Variants in UGGT2 observed in about 807,000 individuals in gnomAD.
The protein encoded by UGGT2 is UDP-glucose glycoprotein glucosyltransferase 2.
Under a neutral mutation model 192.1 loss-of-function variants are expected in UGGT2, and 180 were observed. The observed-to-expected ratio is 0.94, with a 90% CI of 0.83 to 1.06. UGGT2 has a LOEUF of 1.06. Among genes scored for constraint, UGGT2 ranks in the 50% least tolerant of loss-of-function variants. The pLI, the probability that UGGT2 is intolerant of heterozygous loss-of-function variation, is 0.00. For synonymous variants in UGGT2, 580 were observed against 591.0 expected, an observed-to-expected ratio of 0.98 and a Z score of 0.27; for missense variants, 1,849 against 1,795.7, an observed-to-expected ratio of 1.03 and a Z score of -0.54.
At position 96,013,365 on chromosome 13, in the gene UGGT2, A is replaced by T; in HGVS notation, c.602T>A (p.Val201Glu). The T allele has an allele frequency of 6.2e-7, 1 of 1,608,766 alleles. No homozygotes were observed. The highest frequency in any genetic ancestry group is 8.5e-7 in the Non-Finnish European group (1 of 1,178,810). ...CTCATTTTGAGCTTTTTCAGACAAT[A>T]CTTTGTGAAATGCACTAAATGTTCT... The part of the protein sequence containing the change: ...GTRTFSAFHK[V>E]LSEKAQNEEI... Residue 201 changes from valine (V) to glutamate (E), a missense_variant, in exon 5 of 39, where the codon GTA becomes GAA. Transcript: ENST00000376747.
In UGGT2 at chr13:95,970,188, A is replaced by G. The variant is rs919075473; in HGVS notation, c.1259T>C (p.Met420Thr). Residue 420 changes from methionine to threonine, a missense_variant, in exon 12 of 39, where the codon ATG (methionine) becomes ACG (threonine). Physicochemically the swap from Met to Thr is moderately conservative, Grantham distance 81. Coordinates refer to ENST00000376747, the MANE Select transcript of UGGT2 (RefSeq NM_020121.4). Reference protein sequence around the residue: ...LRNLGINGEDMSKFLKLNSHI... With the variant: ...LRNLGINGEDTSKFLKLNSHI... ...TGAATTTAATTTTAAAAATTTGCTC[A>G]TATCTTCCCCATTGATCCCAAGATT... 8 of 1,612,922 alleles carry G rather than the reference A, an allele frequency of 5.0e-6. No homozygotes were observed. Among genetic ancestry groups the G allele is most frequent in the African/African-American group, 4.0e-5 (3 of 74,892 alleles).
chr13:95,902,702 T>A (rs183151542), intron 21 of UGGT2, 152 bp downstream of exon 21: 2 of 745,224 alleles, frequency 2.7e-6, no homozygotes, highest in African/African-American at 1.8e-5. Flanking sequence ...GTCATATCAT[T>A]TAATGTTTAT....
At chr13:95,939,763 CTCTAG>C (rs2049600278) in intron 16 of UGGT2, among the ~76,000 whole-genome samples, 189 bp downstream of exon 16, 2 of 152,206 alleles carry the variant, frequency 1.3e-5, no homozygotes, top group Admixed American at 6.5e-5. Context: ...GAACTTATTT[CTCTAG>C]TCTAACTGAA....
chr13:95,952,701 G>A (rs2050104234), intron 12 of UGGT2, among the ~76,000 whole-genome samples: 1 of 151,948 alleles, frequency 6.6e-6, no homozygotes. Flanking sequence ...TGAGTTTGTG[G>A]GTTTTTTCCC....
intron 12 of UGGT2, among the ~76,000 whole-genome samples, chr13:95,963,280 A>C (rs2050460178): frequency 6.6e-6 from 1 of 152,202 alleles, no homozygotes; most frequent in Admixed American, 6.5e-5. Flanking sequence ...GATACATCAC[A>C]TCAATAGAAG....
Position 95,949,334 on chromosome 13 carries a change from C to G in UGGT2, c.1455+1G>C. The G allele has an allele frequency of 1.3e-6, 2 of 1,530,474 alleles. No individual in the cohort carries two copies. Among genetic ancestry groups the G allele is most frequent in the Non-Finnish European group, 1.8e-6 (2 of 1,140,928 alleles). 94.8% of individuals were successfully genotyped at this position (1,530,474 alleles called of 1,614,324 possible). A position where few individuals can be genotyped will look rare whatever the true frequency, so the allele number is the denominator to read the frequency against. Reference sequence around the variant, plus strand: ...ATGTATAATCAAAATATAAAACTCACCAAATTATGAAAATTGCGCCTTATG... The same window carrying G: ...ATGTATAATCAAAATATAAAACTCAGCAAATTATGAAAATTGCGCCTTATG... On this transcript the variant is annotated splice_donor_variant, in intron 13 of 38. Transcript: ENST00000376747. LOFTEE classifies it high-confidence loss of function.
rs188833060 is a variant in UGGT2, at chr13:95,927,543, A to C, written c.1978-207T>G. ...CTCTGTCTCAGGTGTTGGCAATTTC[A>C]CTTCACAACCAGAATCATGGTAGTA... On this transcript the variant is annotated intron_variant, in intron 17 of 38. Coordinates refer to ENST00000376747, the MANE Select transcript of UGGT2 (RefSeq NM_020121.4). 9.4e-4 allele frequency among the ~76,000 whole-genome samples: 141 copies of C among 149,396 alleles called. 1 individual carries two copies. Among genetic ancestry groups the C allele is most frequent in the African/African-American group, 3.3e-3 (134 of 40,408 alleles).
intron 20 of UGGT2, among the ~76,000 whole-genome samples, chr13:95,918,222 A>G (rs2048738782): frequency 6.6e-6 from 1 of 152,244 alleles, no homozygotes; most frequent in South Asian, 2.1e-4. Context: ...GAAGATTAAG[A>G]AATTCACTCA....
Position 96,029,517 on chromosome 13 carries a change from C to T in UGGT2, c.241+2372G>A, listed in dbSNP as rs148720555. ...GCCAGGCTGGTCTCGAACTCCTGGC[C>T]TCAAGTGATCTGCCCACCTCAGCCT... On this transcript the variant is annotated intron_variant, in intron 2 of 38. Coordinates refer to ENST00000376747, the MANE Select transcript of UGGT2 (RefSeq NM_020121.4). Among the ~76,000 whole-genome samples the T allele has an allele frequency of 3.1e-3, 473 of 152,136 alleles. 3 individuals carry two copies. The highest frequency in any genetic ancestry group is 0.011 in the African/African-American group (451 of 41,514).
intron 30 of UGGT2, among the ~76,000 whole-genome samples, chr13:95,865,132 T>C (rs1890535455): frequency 6.6e-6 from 1 of 152,190 alleles, no homozygotes; most frequent in South Asian, 2.1e-4. Flanking sequence ...TACTTCGTAA[T>C]TTGTGGACTC....
chr13:95,837,262 CTGAA>C (rs1887392401), intron 36 of UGGT2, 60 bp from the exon 37 acceptor site: 5 of 1,153,966 alleles, frequency 4.3e-6, no homozygotes, highest in East Asian at 2.3e-5. Context: ...AGGAAAGAAG[CTGAA>C]TGAAGTAAGA....
intron 15 of UGGT2, among the ~76,000 whole-genome samples, chr13:95,942,544 G>A (rs1198419847): frequency 1.3e-5 from 2 of 151,824 alleles, no homozygotes; most frequent in East Asian, 3.9e-4. Flanking sequence ...ACCATTAATG[G>A]TAATAAATAT....
At chr13:95,806,008 G>A (rs1328807949) in intron 38 of UGGT2, among the ~76,000 whole-genome samples, 1 of 109,386 alleles carries the variant, frequency 9.1e-6, no homozygotes, top group African/African-American at 3.7e-5. Flanking sequence ...TGGACAGAGA[G>A]AACAGAGATA....
At chr13:95,931,017 T>C (rs2049242029) in intron 17 of UGGT2, among the ~76,000 whole-genome samples, 2 of 152,162 alleles carry the variant, frequency 1.3e-5, no homozygotes, top group Non-Finnish European at 2.9e-5. Context: ...ACGGCTGGCT[T>C]GGGCAGCCTG....
At chr13:95,865,784 T>C (rs1282037091) in intron 30 of UGGT2, among the ~76,000 whole-genome samples, 1 of 152,254 alleles carries the variant, frequency 6.6e-6, no homozygotes, top group Non-Finnish European at 1.5e-5. Context: ...CAAATGTTAC[T>C]TGTACCCCAT....
chr13:96,035,661 C>T, intron 1 of UGGT2, among the ~76,000 whole-genome samples: 1 of 151,974 alleles, frequency 6.6e-6, no homozygotes, highest in Admixed American at 6.6e-5. Flanking sequence ...ATGTATCCAT[C>T]TGACAAAGGT....
chr13:95,952,651 G>A (rs1023605931), intron 12 of UGGT2, among the ~76,000 whole-genome samples: 2 of 152,046 alleles, frequency 1.3e-5, no homozygotes, highest in African/African-American at 2.4e-5. Context: ...TTGCATCTAT[G>A]ATCTTATTGA....
At position 95,846,374 on chromosome 13, in the gene UGGT2, A is replaced by T. The variant is rs543140059; in HGVS notation, c.4284+7169T>A. On this transcript the variant is annotated intron_variant, in intron 36 of 38. Coordinates refer to ENST00000376747, the MANE Select transcript of UGGT2 (RefSeq NM_020121.4). The stretch of plus-strand genomic sequence containing the variant: ...AGTTGCAGTGAGCCAAGATGGCGGC[A>T]GTACAGTCCAGCCTCGGCTGGGCAT... Among the ~76,000 whole-genome samples the T allele has an allele frequency of 9.7e-5, 14 of 144,342 alleles. 1 individual carries two copies. Among genetic ancestry groups the T allele is most frequent in the African/African-American group, 3.5e-4 (14 of 39,992 alleles). The allele number at this position is 144,342 out of a possible 152,430, so 94.7% of individuals were successfully genotyped here.
intron 29 of UGGT2, among the ~76,000 whole-genome samples, chr13:95,870,327 G>T (rs1169232469): frequency 6.6e-6 from 1 of 152,130 alleles, no homozygotes; most frequent in East Asian, 1.9e-4. Context: ...CTCTTTTGCA[G>T]CTAAGGTTTT....
Sources: gnomAD v4.1 joint callset for allele counts (sites outside exome capture counted in the v4.1 genomes callset) on GRCh38, gnomAD v4.1.1 for gene constraint, MANE v1.5 for transcripts, NCBI Gene and HGNC (gene_info 2026-07-23, HGNC 2026-07-21) for gene names.